LAMA2: variants seen among roughly 807,000 people sequenced by gnomAD.
LAMA2 encodes laminin subunit alpha 2, also known as laminin subunit alpha-2.
In LAMA2, 269 loss-of-function variants were observed where a neutral mutation model predicts 364.8. The observed-to-expected ratio is 0.74, with a 90% CI of 0.67 to 0.82. LAMA2 has a LOEUF of 0.82. LAMA2 is among the 40% of genes least tolerant of loss of function. The probability of loss-of-function intolerance (pLI) is 0.00; values close to 1 mark genes in which losing one functional copy is unlikely to be tolerated. For missense variants in LAMA2, 3,807 were observed against 3,873.2 expected (o/e 0.98, Z 0.45); for synonymous variants, 1,379 against 1,370.6 (o/e 1.01, Z -0.14).
intron 13 of LAMA2, among the ~76,000 whole-genome samples, chr6:129,251,076 C>CTCTCTCTCTCTATA (rs1491468271): frequency 4.0e-5 from 2 of 49,794 alleles, no homozygotes; most frequent in African/African-American, 8.2e-5. Context: ...CTCTCTCTCT[C>CTCTCTCTCTCTATA]TATATATATA....
At chr6:129,157,392 C>T in intron 8 of LAMA2, 2 of 1,067,808 alleles carry the variant, frequency 1.9e-6, no homozygotes, top group South Asian at 2.9e-5. Context: ...TTAATATTAG[C>T]AGCCTGTGAA....
At chr6:128,924,047 A>G (rs949066850) in intron 1 of LAMA2, among the ~76,000 whole-genome samples, 2 of 151,976 alleles carry the variant, frequency 1.3e-5, no homozygotes, top group Non-Finnish European at 2.9e-5. Context: ...AGGGAACACA[A>G]GAATATTTTT....
chr6:129,028,890 G>A (rs902322615), intron 1 of LAMA2, among the ~76,000 whole-genome samples: 12 of 151,618 alleles, frequency 7.9e-5, no homozygotes, highest in African/African-American at 1.5e-4. Flanking sequence ...GTCATAAGCC[G>A]TTCTGGTACC....
chr6:129,187,194 A>G (rs906001007), intron 10 of LAMA2, among the ~76,000 whole-genome samples: 1 of 151,736 alleles, frequency 6.6e-6, no homozygotes, highest in Non-Finnish European at 1.5e-5. Context: ...CATGGATGAC[A>G]ATGGTCGATG....
At chr6:129,093,056 A>T (rs1349192825) in intron 3 of LAMA2, among the ~76,000 whole-genome samples, 1 of 150,650 alleles carries the variant, frequency 6.6e-6, no homozygotes, top group Non-Finnish European at 1.5e-5. Flanking sequence ...ATCTCGGCTC[A>T]CTGCAACCTC....
intron 1 of LAMA2, among the ~76,000 whole-genome samples, chr6:129,018,534 TA>T (rs374794064): frequency 0.012 from 1,698 of 138,984 alleles, 28 homozygotes; most frequent in African/African-American, 0.035. Context: ...ACTTGAGATT[TA>T]AAAAAAAAAA....
intron 1 of LAMA2, among the ~76,000 whole-genome samples, chr6:129,004,756 A>T (rs1784338840): frequency 6.6e-6 from 1 of 152,154 alleles, no homozygotes; most frequent in Non-Finnish European, 1.5e-5. Flanking sequence ...TACAGCTTGC[A>T]CTTGTATTTT....
rs201638947 is a variant in LAMA2, at chr6:129,312,959, A to G, written c.3273A>G (p.Thr1091=). The G allele has an allele frequency of 5.0e-5, 81 of 1,614,216 alleles. No individual in the cohort carries two copies. Among genetic ancestry groups the G allele is most frequent in the Non-Finnish European group, 6.5e-5 (77 of 1,180,016 alleles). Residue 1091 remains threonine (T), a synonymous_variant, in exon 23 of 65, where the codon ACA becomes ACG. Coordinates refer to ENST00000421865, the MANE Select transcript of LAMA2 (RefSeq NM_000426.4). ...CAAAATTCTCTGGTGCAAAATGTAC[A>G]GAGTGCAGTCGAGGTCACTGGAACT... The part of the protein sequence containing the change: ...CHPKFSGAKC[T]ECSRGHWNYP...
chr6:129,056,979 C>T (rs1224883767), intron 2 of LAMA2, among the ~76,000 whole-genome samples: 6 of 151,838 alleles, frequency 4.0e-5, no homozygotes, highest in African/African-American at 1.4e-4. Context: ...GTGATCTGCC[C>T]ACCTCAGCCT....
intron 1 of LAMA2, among the ~76,000 whole-genome samples, chr6:129,017,868 T>C (rs1785176082): frequency 6.6e-6 from 1 of 152,112 alleles, no homozygotes; most frequent in African/African-American, 2.4e-5. Context: ...AGGATTTTTT[T>C]TTTAAGTTAG....
intron 37 of LAMA2, among the ~76,000 whole-genome samples, chr6:129,397,636 A>G (rs542846493): frequency 1.3e-5 from 2 of 152,220 alleles, no homozygotes; most frequent in Admixed American, 6.5e-5. Flanking sequence ...TGAAAACAAG[A>G]CACCTCTAAA....
intron 7 of LAMA2, among the ~76,000 whole-genome samples, chr6:129,153,704 G>A (rs776989976): frequency 6.6e-6 from 1 of 152,090 alleles, no homozygotes; most frequent in African/African-American, 2.4e-5. Flanking sequence ...AAAATCAGTA[G>A]CAACAAATAT....
At chr6:129,219,755 C>A (rs1230606916) in intron 12 of LAMA2, among the ~76,000 whole-genome samples, 20 of 122,236 alleles carry the variant, frequency 1.6e-4, no homozygotes, top group Admixed American at 1.4e-3. Context: ...CATGTTCTCA[C>A]TCATAGGTGG....
At chr6:129,096,417 G>A (rs1346834839) in intron 3 of LAMA2, among the ~76,000 whole-genome samples, 1 of 152,146 alleles carries the variant, frequency 6.6e-6, no homozygotes, top group Non-Finnish European at 1.5e-5. Flanking sequence ...GACTCCTAAA[G>A]GTGGCAGCTT....
intron 33 of LAMA2, 118 bp from the exon 34 acceptor site, chr6:129,369,774 A>C: frequency 1.2e-6 from 1 of 836,374 alleles, no homozygotes; most frequent in South Asian, 1.4e-5. Context: ...TAGTTTCCTT[A>C]TCTTTTCTTT....
At chr6:129,504,301 T>C (rs1177871990) in intron 60 of LAMA2, among the ~76,000 whole-genome samples, 1 of 152,192 alleles carries the variant, frequency 6.6e-6, no homozygotes, top group Admixed American at 6.5e-5. Context: ...GAATAATAAA[T>C]ATGACATTTG....
chr6:129,170,594 A>G (rs1229570562), intron 9 of LAMA2, among the ~76,000 whole-genome samples: 2 of 145,594 alleles, frequency 1.4e-5, no homozygotes, highest in Non-Finnish European at 3.0e-5. Context: ...TATGTGGTCA[A>G]TTTTGGAATA....
chr6:129,144,605 G>T (rs919315224), intron 5 of LAMA2, among the ~76,000 whole-genome samples: 1 of 151,976 alleles, frequency 6.6e-6, no homozygotes, highest in African/African-American at 2.4e-5. Context: ...CAGTAGGGCA[G>T]AGCTGAGACG....
intron 28 of LAMA2, among the ~76,000 whole-genome samples, chr6:129,322,025 T>A (rs892607462): frequency 6.6e-6 from 1 of 152,222 alleles, no homozygotes; most frequent in Non-Finnish European, 1.5e-5. Flanking sequence ...TGAAAATCCC[T>A]TTACAAACTG....
Sources: gnomAD v4.1 joint callset for allele counts (sites outside exome capture counted in the v4.1 genomes callset) on GRCh38, gnomAD v4.1.1 for gene constraint, MANE v1.5 for transcripts, NCBI Gene and HGNC (gene_info 2026-07-23, HGNC 2026-07-21) for gene names.